The following SEPTIN9 variants were observed in gnomAD, a reference collection of about 807,000 sequenced individuals.
SEPTIN9 encodes septin-9.
In SEPTIN9, 13 loss-of-function variants were observed where a neutral mutation model predicts 56.6. That is an observed-to-expected ratio of 0.23 (90% CI 0.15 to 0.37). SEPTIN9 has a LOEUF of 0.37. Among genes scored for constraint, SEPTIN9 ranks in the 10% least tolerant of loss-of-function variants. The probability of loss-of-function intolerance (pLI) is 1.00; values close to 1 mark genes in which losing one functional copy is unlikely to be tolerated. For missense variants in SEPTIN9, 650 were observed against 823.1 expected (o/e 0.79, Z 2.57); for synonymous variants, 332 against 334.1 (o/e 0.99, Z 0.07).
At chr17:77,477,328 G>A (rs2039258358) in intron 3 of SEPTIN9, among the ~76,000 whole-genome samples, 3 of 152,036 alleles carry the variant, frequency 2.0e-5, no homozygotes, top group Admixed American at 2.0e-4. Context: ...CCCAGCCCCT[G>A]GAAATCACCA....
At position 77,402,392 on chromosome 17, in the gene SEPTIN9, T is replaced by G. The variant is rs1598316623; in HGVS notation, c.410T>G (p.Val137Gly). Residue 137 changes from valine (V) to glycine (G), a missense_variant, in exon 3 of 12, where the codon GTG becomes GGG. This residue lies in a region of SEPTIN9 where 317 missense variants were observed against 329.1 expected (regional missense o/e 0.96). Coordinates refer to ENST00000427177, the MANE Select transcript of SEPTIN9 (RefSeq NM_001113491.2). This position sits in a 1 kb window ranked among gnomAD's most constrained non-coding sequence, Gnocchi z 6.6. ...CGGTTCGGGCTCAAGAGGGCCGAGG[T>G]GTTGGGCCACAAGACGCCAGAACCG... Reference protein sequence around the residue: ...PSRFGLKRAEVLGHKTPEPAP... With the variant: ...PSRFGLKRAEGLGHKTPEPAP... 1 of 1,610,890 alleles carries G rather than the reference T, an allele frequency of 6.2e-7. No individual in the cohort carries two copies.
rs10537405 is a variant in SEPTIN9 at position 77,351,228 on chromosome 17, A to AACACAC, written c.76+44068_76+44073dup. On this transcript the variant is annotated intron_variant, in intron 2 of 11. Transcript: ENST00000427177. ...CGCAGGCACATGTGCGCGTGCACAC[A>AACACAC]ACACACACACACACACACACACACA... Among the ~76,000 whole-genome samples, 1,157 of 144,742 alleles carry AACACAC rather than the reference A, an allele frequency of 8.0e-3. 8 individuals are homozygous for AACACAC. The highest frequency in any genetic ancestry group is 0.021 in the African/African-American group (818 of 39,332). The allele number at this position is 144,742 out of a possible 152,430, so 95.0% of individuals were successfully genotyped here. A position where few individuals can be genotyped will look rare whatever the true frequency, so the allele number is the denominator to read the frequency against.
chr17:77,361,569 G>A (rs1568014115), intron 2 of SEPTIN9, among the ~76,000 whole-genome samples: 1 of 148,696 alleles, frequency 6.7e-6, no homozygotes, highest in African/African-American at 2.5e-5. Context: ...GGACAAAGCT[G>A]TTTTTTTTTT....
chr17:77,330,259 G>A lies in SEPTIN9; in HGVS notation c.76+23062G>A, dbSNP rs908421315. On this transcript the variant is annotated intron_variant, in intron 2 of 11. Coordinates refer to ENST00000427177, the MANE Select transcript of SEPTIN9 (RefSeq NM_001113491.2). The surrounding 1 kb of genome is among the most constrained non-coding windows in gnomAD (Gnocchi z 4.4). ...GCACCTGCTGCTCCGGGTGCCTCTGGGGGCGGGCCCCCACCTCACATTGTG... is the reference window on the plus strand; with the variant it reads ...GCACCTGCTGCTCCGGGTGCCTCTGAGGGCGGGCCCCCACCTCACATTGTG... Among the ~76,000 whole-genome samples, 5 of 152,372 alleles carry A rather than the reference G, an allele frequency of 3.3e-5. No individual in the cohort carries two copies. The East Asian group carries it at 7.7e-4, about 24-fold the overall frequency.
At chr17:77,358,311 T>C (rs1304130141) in intron 2 of SEPTIN9, among the ~76,000 whole-genome samples, 2 of 152,182 alleles carry the variant, frequency 1.3e-5, no homozygotes, top group Admixed American at 1.3e-4. Context: ...GCTCAGACTG[T>C]TATTTTCCAG....
chr17:77,424,223 G>A (rs1425789648), intron 3 of SEPTIN9, among the ~76,000 whole-genome samples: 2 of 148,868 alleles, frequency 1.3e-5, no homozygotes, highest in African/African-American at 5.0e-5. Context: ...AGAAGGCACC[G>A]AGGCACAGAG....
chr17:77,348,341 C>T (rs1185367456), intron 2 of SEPTIN9, among the ~76,000 whole-genome samples: 5 of 141,600 alleles, frequency 3.5e-5, no homozygotes, highest in Non-Finnish European at 6.0e-5. Flanking sequence ...CTCTGTTGCC[C>T]AGGCTGGAGT....
intron 2 of SEPTIN9, chr17:77,373,438 C>A: frequency 1.4e-6 from 2 of 1,470,088 alleles, no homozygotes; most frequent in Non-Finnish European, 1.8e-6. Flanking sequence ...AGGGCCCGGG[C>A]CCCGCCGGGG....
chr17:77,378,854 C>T (rs757095084), intron 2 of SEPTIN9, among the ~76,000 whole-genome samples: 1 of 152,078 alleles, frequency 6.6e-6, no homozygotes, highest in Non-Finnish European at 1.5e-5. Flanking sequence ...CACCCCCACC[C>T]TGGAGTGTCA....
At chr17:77,419,037 C>T (rs2036602466) in intron 3 of SEPTIN9, among the ~76,000 whole-genome samples, 1 of 152,246 alleles carries the variant, frequency 6.6e-6, no homozygotes, top group Non-Finnish European at 1.5e-5. Context: ...AGGCACCCTA[C>T]AACCTGCTTC....
Position 77,482,198 on chromosome 17 carries a change from C to G in SEPTIN9, c.776C>G (p.Ala259Gly). The change falls in exon 4 of 12, where the codon GCC (alanine) becomes GGC (glycine). Residue 259 changes from alanine to glycine, a missense_variant. By Grantham distance (60) the Ala-to-Gly change is moderately conservative. Coordinates refer to ENST00000427177, the MANE Select transcript of SEPTIN9 (RefSeq NM_001113491.2). ...GACATGGCCGACACCCCCAGAGATG[C>G]CGGGCTCAAGCAGGCGCCTGCATCA... ...VGDMADTPRD[A>G]GLKQAPASRN... is the part of the protein sequence containing the mutation. 1 of 1,610,058 alleles carries G rather than the reference C, an allele frequency of 6.2e-7. No individual in the cohort carries two copies. Among genetic ancestry groups the G allele is most frequent in the Non-Finnish European group, 8.5e-7 (1 of 1,178,674 alleles).
At chr17:77,360,440 T>C (rs2034376902) in intron 2 of SEPTIN9, among the ~76,000 whole-genome samples, 1 of 152,272 alleles carries the variant, frequency 6.6e-6, no homozygotes. Flanking sequence ...TGATGTCCTG[T>C]TTGTAGCTTG....
chr17:77,477,514 G>A (rs2039266427), intron 3 of SEPTIN9, among the ~76,000 whole-genome samples: 1 of 152,214 alleles, frequency 6.6e-6, no homozygotes, highest in Non-Finnish European at 1.5e-5. Context: ...GACTCAGCAC[G>A]TTGGGTTTCT....
chr17:77,470,468 A>AT (rs2038946461), intron 3 of SEPTIN9, among the ~76,000 whole-genome samples: 1 of 151,534 alleles, frequency 6.6e-6, no homozygotes, highest in Non-Finnish European at 1.5e-5. Flanking sequence ...CTACTCATCC[A>AT]CTCACCCACC....
Position 77,402,156 on chromosome 17 carries a change from C to G in SEPTIN9, c.174C>G (p.Ser58Arg), listed in dbSNP as rs1265697912. ...CCCTACTCCGAGCCACTGTGGCCAG[C>G]TCCACCCAGAAATTCCAGGACCTGG... ...QTPLLRATVASSTQKFQDLGV... is the reference protein window; with the variant it reads ...QTPLLRATVARSTQKFQDLGV... Residue 58 changes from serine to arginine, a missense_variant, in exon 3 of 12, where the codon AGC becomes AGG. Ser to Arg is a moderately radical substitution (Grantham distance 110, BLOSUM62 -1). Transcript: ENST00000427177. The surrounding 1 kb of genome is among the most constrained non-coding windows in gnomAD (Gnocchi z 6.6). 6.2e-7 allele frequency: 1 copy of G among 1,613,878 alleles called. No individual in the cohort carries two copies. The highest frequency in any genetic ancestry group is 8.5e-7 in the Non-Finnish European group (1 of 1,179,822).
In SEPTIN9 at chr17:77,287,630, G is replaced by A. The variant is rs533246311; in HGVS notation, c.19+6076G>A. On this transcript the variant is annotated intron_variant, in intron 1 of 11. Transcript: ENST00000427177. ...TCTGCTCCCAGCCCAGTTTCTCTCT[G>A]CTTTATCTCCCTGACCCCACCCTGG... Among the ~76,000 whole-genome samples the A allele has an allele frequency of 2.6e-4, 39 of 152,322 alleles. No homozygotes were observed. In the Middle Eastern group the frequency reaches 0.01, roughly 40 times the overall value.
intron 2 of SEPTIN9, among the ~76,000 whole-genome samples, chr17:77,392,793 G>A (rs886374797): frequency 1.3e-5 from 2 of 152,092 alleles, no homozygotes; most frequent in Non-Finnish European, 2.9e-5. Context: ...TTCTGTTCAC[G>A]TTGTCCCTGT....
At chr17:77,488,036 C>T (rs1199467781) in intron 5 of SEPTIN9, among the ~76,000 whole-genome samples, 1 of 152,228 alleles carries the variant, frequency 6.6e-6, no homozygotes, top group East Asian at 1.9e-4. Context: ...CTGAGTTTTC[C>T]ACCAAAAGTC....
chr17:77,380,751 C>T (rs530785579), intron 2 of SEPTIN9, among the ~76,000 whole-genome samples: 1 of 152,300 alleles, frequency 6.6e-6, no homozygotes, highest in South Asian at 2.1e-4. Flanking sequence ...TCCAGGTGTA[C>T]AGTTGGAGGG....
Sources: gnomAD v4.1 joint callset for allele counts (sites outside exome capture counted in the v4.1 genomes callset) on GRCh38, gnomAD v4.1.1 for gene constraint, gnomAD v4.1.1 regional missense constraint, Gnocchi (gnomAD v3.1) non-coding constraint, MANE v1.5 for transcripts, NCBI Gene and HGNC (gene_info 2026-07-23, HGNC 2026-07-21) for gene names.